PRKCZ: variants seen among roughly 807,000 people sequenced by gnomAD.
PRKCZ encodes the protein protein kinase C zeta type.
In PRKCZ, 33 loss-of-function variants were observed where a neutral mutation model predicts 79.5. The observed-to-expected ratio is 0.41, with a 90% CI of 0.31 to 0.55. The LOEUF is 0.55. PRKCZ is among the 20% of genes least tolerant of loss of function. The pLI is 0.19. For missense variants in PRKCZ, 578 were observed against 813.5 expected, an observed-to-expected ratio of 0.71 and a Z score of 3.52; for synonymous variants, 342 against 320.9, an observed-to-expected ratio of 1.07 and a Z score of -0.70.
chr1:2,081,159 G>A lies in PRKCZ; in HGVS notation c.334+21568G>A, dbSNP rs75980204. On this transcript the variant is annotated intron_variant, in intron 4 of 17. Coordinates refer to ENST00000378567, the MANE Select transcript of PRKCZ (RefSeq NM_002744.6). ...ACATACGTGATGTCAAGTTTTGCAC[G>A]GGACTTGTACGTCTGTTCTCCCATT... Among the ~76,000 whole-genome samples, 396 of 152,352 alleles carry A rather than the reference G, an allele frequency of 2.6e-3. 1 individual carries two copies. Among genetic ancestry groups the A allele is most frequent in the Non-Finnish European group, 4.7e-3 (321 of 68,034 alleles).
intron 4 of PRKCZ, among the ~76,000 whole-genome samples, chr1:2,110,701 C>G (rs1034215745): frequency 1.4e-5 from 2 of 144,718 alleles, no homozygotes; most frequent in Non-Finnish European, 3.0e-5. Context: ...CTGTGGGCCT[C>G]TGCCTGAAAC....
chr1:2,073,563 G>A, intron 4 of PRKCZ: 2 of 947,096 alleles, frequency 2.1e-6, no homozygotes, highest in African/African-American at 1.8e-5. Flanking sequence ...TCTGGCTGCT[G>A]CCCGCCCGCT....
At chr1:2,091,187 A>G (rs1335791479) in intron 4 of PRKCZ, among the ~76,000 whole-genome samples, 2 of 152,140 alleles carry the variant, frequency 1.3e-5, no homozygotes, top group South Asian at 2.1e-4. Context: ...GCTTGCCACC[A>G]TGCCCGGCTA....
At chr1:2,164,545 T>G (rs1682958613) in intron 10 of PRKCZ, among the ~76,000 whole-genome samples, 3 of 152,230 alleles carry the variant, frequency 2.0e-5, no homozygotes, top group Admixed American at 2.0e-4. Context: ...GATGTGGAAC[T>G]GGAAACTGTC....
At chr1:2,093,487 C>T (rs1665882180) in intron 4 of PRKCZ, among the ~76,000 whole-genome samples, 1 of 152,162 alleles carries the variant, frequency 6.6e-6, no homozygotes, top group Admixed American at 6.5e-5. Context: ...GTGTCCACTT[C>T]TCTGGAAGGC....
rs1356554109 is a variant in PRKCZ, at chr1:2,165,943, C to T, written c.975-3575C>T. Among the ~76,000 whole-genome samples the T allele has an allele frequency of 6.6e-6, 1 of 152,212 alleles. No homozygotes were observed. The highest frequency in any genetic ancestry group is 1.5e-5 in the Non-Finnish European group (1 of 68,044). On this transcript the variant is annotated intron_variant, in intron 10 of 17. Transcript: ENST00000378567. This position sits in a 1 kb window ranked among gnomAD's most constrained non-coding sequence, Gnocchi z 4.1. ...AGGAGGTTTCGTGAGCTTCCAGCAT[C>T]CCCCTGCGGCCACTGTCCCTCCATT...
Position 2,178,692 on chromosome 1 carries a change from G to A in PRKCZ, c.1575+3379G>A, listed in dbSNP as rs1337185604. Among the ~76,000 whole-genome samples the A allele has an allele frequency of 1.3e-5, 2 of 152,192 alleles. No homozygotes were observed. Among genetic ancestry groups the A allele is most frequent in the African/African-American group, 4.8e-5 (2 of 41,456 alleles). On this transcript the variant is annotated intron_variant, in intron 16 of 17. Transcript: ENST00000378567. This position sits in a 1 kb window ranked among gnomAD's most constrained non-coding sequence, Gnocchi z 4.3. ...CCCTTTGGGGGCCCCCTCAGTCTGT[G>A]CTGGACTTAGTTCCATGGCTGTAGT...
chr1:2,125,057 C>T lies in PRKCZ; in HGVS notation c.335-10205C>T, dbSNP rs2102928634. Among the ~76,000 whole-genome samples, 1 of 152,258 alleles carries T rather than the reference C, an allele frequency of 6.6e-6. No homozygotes were observed. Among genetic ancestry groups the T allele is most frequent in the East Asian group, 1.9e-4 (1 of 5,172 alleles). On this transcript the variant is annotated intron_variant, in intron 4 of 17. Coordinates refer to ENST00000378567, the MANE Select transcript of PRKCZ (RefSeq NM_002744.6). The surrounding 1 kb of genome is among the most constrained non-coding windows in gnomAD (Gnocchi z 4.2). ...TGCCAGCCTGGCTCTGTGCCGGGCG[C>T]TGGGCAATCTCTGCCTCCAGCCTGG...
chr1:2,136,143 A>G (rs1407284243), intron 5 of PRKCZ, among the ~76,000 whole-genome samples: 5 of 152,092 alleles, frequency 3.3e-5, no homozygotes. Flanking sequence ...CGCTGGGTGT[A>G]CGGCACCTCT....
rs745714891 is a variant in PRKCZ at position 2,172,938 on chromosome 1, G to A, written c.1285+550G>A. On this transcript the variant is annotated intron_variant, in intron 13 of 17. Transcript: ENST00000378567. The surrounding 1 kb of genome is among the most constrained non-coding windows in gnomAD (Gnocchi z 7.8). ...AGCCGTGTGTGCGTGTGTGAAACGGGGATGTGGGCACGCGTGTGCAGCCGT... is the reference window on the plus strand; with the variant it reads ...AGCCGTGTGTGCGTGTGTGAAACGGAGATGTGGGCACGCGTGTGCAGCCGT... Among the ~76,000 whole-genome samples, 29 of 151,498 alleles carry A rather than the reference G, an allele frequency of 1.9e-4. No individual in the cohort carries two copies. The highest frequency in any genetic ancestry group is 3.5e-4 in the Non-Finnish European group (24 of 67,984).
rs1410065018 is a variant in PRKCZ, at chr1:2,165,993, GT to G, written c.975-3523del. ...TTCCCATGTCTGTTGGATGGTGCCG[GT>G]TCCAGGGCAGGGTCAGGGACTGGAT... On this transcript the variant is annotated intron_variant, in intron 10 of 17. Coordinates refer to ENST00000378567, the MANE Select transcript of PRKCZ (RefSeq NM_002744.6). The surrounding 1 kb of genome is among the most constrained non-coding windows in gnomAD (Gnocchi z 4.1). Among the ~76,000 whole-genome samples, 1 of 152,218 alleles carries G rather than the reference GT, an allele frequency of 6.6e-6. No individual in the cohort carries two copies. Among genetic ancestry groups the G allele is most frequent in the African/African-American group, 2.4e-5 (1 of 41,456 alleles).
At chr1:2,120,308 T>G (rs1269863495) in intron 4 of PRKCZ, among the ~76,000 whole-genome samples, 1 of 132,776 alleles carries the variant, frequency 7.5e-6, no homozygotes, top group Non-Finnish European at 1.6e-5. Context: ...TTTTTTTTTT[T>G]TTTTTTTTTT....
chr1:2,124,282 T>G lies in PRKCZ; in HGVS notation c.335-10980T>G, dbSNP rs796962776. Among the ~76,000 whole-genome samples the G allele has an allele frequency of 3.5e-3, 74 of 21,112 alleles. 19 individuals carry two copies. Among genetic ancestry groups the G allele is most frequent in the African/African-American group, 0.012 (62 of 5,232 alleles). The allele number at this position is 21,112 out of a possible 152,430, so 13.9% of individuals were successfully genotyped here. A position where few individuals can be genotyped will look rare whatever the true frequency, so the allele number is the denominator to read the frequency against. On this transcript the variant is annotated intron_variant, in intron 4 of 17. Coordinates refer to ENST00000378567, the MANE Select transcript of PRKCZ (RefSeq NM_002744.6). ...TCATGGCGGTAGTTAGGGTCACGGC[T>G]GTAGTTAGCGTCACGGTGGTAGTTA... is the stretch of plus-strand genomic sequence containing the variant.
intron 4 of PRKCZ, among the ~76,000 whole-genome samples, chr1:2,129,983 G>A (rs373649286): frequency 1.1e-3 from 164 of 152,312 alleles, no homozygotes; most frequent in African/African-American, 3.7e-3. Flanking sequence ...GCTCAGTGCA[G>A]CCTCCACCTG....
intron 4 of PRKCZ, chr1:2,116,145 T>G (rs3107146): frequency 6.6e-6 from 1 of 152,240 alleles, no homozygotes; most frequent in Non-Finnish European, 1.5e-5. Flanking sequence ...GGCTGCGCGC[T>G]GGGAAACTGA....
intron 6 of PRKCZ, 77 bp from the exon 7 acceptor site, chr1:2,145,950 A>T (rs1678411164): frequency 2.3e-6 from 3 of 1,312,780 alleles, no homozygotes; most frequent in African/African-American, 2.9e-5. Context: ...AAAAAGTCAC[A>T]AAGTGTTTAC....
intron 4 of PRKCZ, chr1:2,071,177 T>A: frequency 4.0e-6 from 1 of 248,660 alleles, no homozygotes; most frequent in Admixed American, 5.5e-5. Flanking sequence ...GGGCTCCCCG[T>A]GCCCCGTGCC....
intron 4 of PRKCZ, among the ~76,000 whole-genome samples, chr1:2,121,130 T>C (rs1671802246): frequency 6.6e-6 from 1 of 152,216 alleles, no homozygotes; most frequent in Non-Finnish European, 1.5e-5. Flanking sequence ...TTCTCTCTTC[T>C]GGGGTGGGAA....
At chr1:2,131,251 C>T (rs1408925349) in intron 4 of PRKCZ, among the ~76,000 whole-genome samples, 1 of 152,236 alleles carries the variant, frequency 6.6e-6, no homozygotes, top group Non-Finnish European at 1.5e-5. Context: ...GCAGGGATGC[C>T]AGTGGTTTCT....
Sources: allele counts gnomAD v4.1 joint callset (sites outside exome capture counted in the v4.1 genomes callset), GRCh38; gene constraint gnomAD v4.1.1; non-coding constraint Gnocchi (gnomAD v3.1); transcripts MANE v1.5; gene names NCBI Gene and HGNC (gene_info 2026-07-23, HGNC 2026-07-21).